OCA2: variants seen among roughly 807,000 people sequenced by gnomAD.
OCA2 encodes the protein P protein.
In OCA2, 77 loss-of-function variants were observed where a neutral mutation model predicts 100.2. The ratio of observed to expected loss-of-function variants is 0.77; its 90% confidence interval spans 0.64 to 0.93. The LOEUF is 0.93. Among genes scored for constraint, OCA2 ranks in the 40% least tolerant of loss-of-function variants. The pLI is 0.00. For missense variants in OCA2, 1,062 were observed against 1,089.1 expected, an observed-to-expected ratio of 0.98 and a Z score of 0.35; for synonymous variants, 432 against 439.2, an observed-to-expected ratio of 0.98 and a Z score of 0.21.
intron 18 of OCA2, among the ~76,000 whole-genome samples, chr15:27,933,723 G>A (rs949716415): frequency 2.0e-5 from 3 of 152,154 alleles, no homozygotes; most frequent in Non-Finnish European, 4.4e-5. Context: ...AGAATGTCAT[G>A]AGGTCGATGG....
At chr15:27,903,405 T>C (rs978172152) in intron 19 of OCA2, among the ~76,000 whole-genome samples, 1 of 152,212 alleles carries the variant, frequency 6.6e-6, no homozygotes, top group Non-Finnish European at 1.5e-5. Context: ...CCTCAGAAAG[T>C]GTCGCTTGGG....
intron 23 of OCA2, among the ~76,000 whole-genome samples, chr15:27,840,030 A>T (rs565404801): frequency 0.012 from 1,766 of 152,302 alleles, 20 homozygotes; most frequent in Admixed American, 0.022. Flanking sequence ...AGAAATAATG[A>T]CAATGGAAGC....
intron 23 of OCA2, among the ~76,000 whole-genome samples, chr15:27,757,876 A>C (rs1209304349): frequency 6.6e-6 from 1 of 152,176 alleles, no homozygotes; most frequent in Non-Finnish European, 1.5e-5. Flanking sequence ...GTAAGCCTGG[A>C]GCACCTCCCT....
At chr15:28,093,985 C>T (rs2141970139) in intron 1 of OCA2, among the ~76,000 whole-genome samples, 1 of 152,276 alleles carries the variant, frequency 6.6e-6, no homozygotes, top group Non-Finnish European at 1.5e-5. Flanking sequence ...AGACAGAGGC[C>T]TCTGCTCACC....
At chr15:27,968,064 T>A (rs2040637292) in intron 14 of OCA2, among the ~76,000 whole-genome samples, 1 of 152,244 alleles carries the variant, frequency 6.6e-6, no homozygotes, top group Non-Finnish European at 1.5e-5. Context: ...GCTGACGTCC[T>A]GGAATAAGTC....
At chr15:27,780,766 C>T (rs530300026) in intron 23 of OCA2, among the ~76,000 whole-genome samples, 3 of 152,256 alleles carry the variant, frequency 2.0e-5, no homozygotes, top group Admixed American at 6.5e-5. Flanking sequence ...TGTTCTGAGG[C>T]GATATCCTTT....
chr15:27,938,587 G>T (rs1026298648), intron 18 of OCA2, among the ~76,000 whole-genome samples: 21 of 152,126 alleles, frequency 1.4e-4, no homozygotes, highest in African/African-American at 5.1e-4. Context: ...GACACTCAAG[G>T]GTTACTGTGC....
In OCA2 at chr15:27,989,604, G is replaced by A; in HGVS notation, c.1179C>T (p.Gly393=). The part of the protein sequence containing the change: ...IDFETLALLF[G]MMILVAIFSE... Reference sequence around the variant, plus strand: ...CCACGGGGAGAGCTGTAATTACCATGCCAAACAGCAGGGCCAGCGTCTCAA... The same window carrying A: ...CCACGGGGAGAGCTGTAATTACCATACCAAACAGCAGGGCCAGCGTCTCAA... Residue 393 remains glycine, a synonymous_variant, in exon 11 of 24, where the codon GGC becomes GGT. Transcript: ENST00000354638. The A allele has an allele frequency of 6.2e-7, 1 of 1,613,856 alleles. No individual in the cohort carries two copies. Among genetic ancestry groups the A allele is most frequent in the Non-Finnish European group, 8.5e-7 (1 of 1,179,768 alleles).
chr15:28,053,919 C>G (rs7170050), intron 2 of OCA2, among the ~76,000 whole-genome samples: 13,978 of 152,140 alleles, frequency 0.092, 804 homozygotes, highest in African/African-American at 0.16. Flanking sequence ...CAGCTGTCTC[C>G]GGATCCCCCA....
chr15:27,787,904 C>T (rs1344029569), intron 23 of OCA2, among the ~76,000 whole-genome samples: 1 of 151,836 alleles, frequency 6.6e-6, no homozygotes, highest in African/African-American at 2.4e-5. Flanking sequence ...TGAGTTATAT[C>T]TCATATATTT....
At chr15:27,855,944 T>G (rs899372424) in intron 21 of OCA2, among the ~76,000 whole-genome samples, 2 of 152,172 alleles carry the variant, frequency 1.3e-5, no homozygotes, top group African/African-American at 4.8e-5. Context: ...CACCACGAGC[T>G]GGGTACTGAA....
the OCA2 span, among the ~76,000 whole-genome samples, chr15:27,741,751 G>A: frequency 6.6e-6 from 1 of 152,104 alleles, no homozygotes; most frequent in African/African-American, 2.4e-5. Context: ...AGGGGACGGG[G>A]GCTTCTTAAC....
At chr15:27,900,865 A>G (rs2037900753) in intron 19 of OCA2, among the ~76,000 whole-genome samples, 2 of 152,200 alleles carry the variant, frequency 1.3e-5, no homozygotes, top group South Asian at 2.1e-4. Flanking sequence ...CTCAGGTCCT[A>G]TGAGAATGAT....
At chr15:27,829,684 T>C (rs2034878610) in intron 23 of OCA2, among the ~76,000 whole-genome samples, 1 of 152,200 alleles carries the variant, frequency 6.6e-6, no homozygotes, top group Admixed American at 6.5e-5. Context: ...GTACTGAAAT[T>C]GGGAAGTCAA....
intron 23 of OCA2, among the ~76,000 whole-genome samples, chr15:27,799,290 AGAG>A (rs2033487279): frequency 6.6e-6 from 1 of 152,232 alleles, no homozygotes; most frequent in African/African-American, 2.4e-5. Flanking sequence ...GTGAACACGT[AGAG>A]GTCTCTGTGC....
At chr15:27,981,839 C>T (rs1442882066) in intron 14 of OCA2, among the ~76,000 whole-genome samples, 1 of 152,158 alleles carries the variant, frequency 6.6e-6, no homozygotes, top group Non-Finnish European at 1.5e-5. Context: ...GCCCTGGTCT[C>T]CCCAGACTTT....
intron 23 of OCA2, among the ~76,000 whole-genome samples, chr15:27,773,430 TTTTAGACTCAGG>T (rs1204046121): frequency 6.6e-6 from 1 of 152,216 alleles, no homozygotes; most frequent in Non-Finnish European, 1.5e-5. Flanking sequence ...CAATATGAGA[TTTTAGACTCAGG>T]TTATATTTGT....
At chr15:27,871,758 T>A in intron 20 of OCA2, 105 bp downstream of exon 20, 1 of 842,656 alleles carries the variant, frequency 1.2e-6, no homozygotes, top group South Asian at 1.4e-5. Flanking sequence ...CCTTTTTACA[T>A]AATTAATGGG....
intron 22 of OCA2, 57 bp from the exon 23 acceptor site, chr15:27,845,109 C>A (rs1257949597): frequency 1.5e-6 from 2 of 1,298,092 alleles, no homozygotes; most frequent in Non-Finnish European, 2.2e-6. Flanking sequence ...AGCTTCTGTT[C>A]TCTTTGGTTT....
Sources: allele counts gnomAD v4.1 joint callset (sites outside exome capture counted in the v4.1 genomes callset), GRCh38; gene constraint gnomAD v4.1.1; transcripts MANE v1.5; gene names NCBI Gene and HGNC (gene_info 2026-07-23, HGNC 2026-07-21).